The following KBTBD12 variants were observed in gnomAD, a reference collection of about 807,000 sequenced individuals.
KBTBD12 encodes the protein kelch repeat and BTB domain-containing protein 12.
Under a neutral mutation model 58.7 loss-of-function variants are expected in KBTBD12, and 53 were observed. The ratio of observed to expected loss-of-function variants is 0.90; its 90% CI spans 0.72 to 1.14. The LOEUF is 1.14. Among genes scored for constraint, KBTBD12 ranks in the 50% most tolerant of loss-of-function variants. KBTBD12 has a pLI of 0.00. For synonymous variants in KBTBD12, 236 were observed against 259.8 expected (o/e 0.91, Z 0.88); for missense variants, 704 against 751.3 (o/e 0.94, Z 0.74).
At position 127,927,799 on chromosome 3, in the gene KBTBD12, T is replaced by TA; in HGVS notation, c.1107dup (p.Cys370MetfsTer4). 6.3e-7 allele frequency: 1 copy of TA among 1,580,752 alleles called. No individual in the cohort carries two copies. The highest frequency in any genetic ancestry group is 1.2e-5 in the South Asian group (1 of 85,188). Reference sequence around the variant, plus strand: ...AGAGGAAACCAGTTTTGGGAAAAGTTATGCACAGCTGAATTTCGAGAACTC... The same window carrying TA: ...AGAGGAAACCAGTTTTGGGAAAAGTTAATGCACAGCTGAATTTCGAGAACTC... On this transcript the variant is annotated frameshift_variant, in exon 3 of 6. Transcript: ENST00000405109. LOFTEE classifies it high-confidence loss of function.
At chr3:127,965,668 G>T (rs963240656) in intron 5 of KBTBD12, among the ~76,000 whole-genome samples, 4 of 152,178 alleles carry the variant, frequency 2.6e-5, no homozygotes, top group African/African-American at 9.6e-5. Context: ...TCAACATTTG[G>T]TGGGAAAGAC....
chr3:127,980,512 TAGAGACG>T (rs1940855479), intron 5 of KBTBD12, among the ~76,000 whole-genome samples: 1 of 152,112 alleles, frequency 6.6e-6, no homozygotes, highest in Non-Finnish European at 1.5e-5. Flanking sequence ...GTATTTTCAG[TAGAGACG>T]GGATTTCACC....
intron 4 of KBTBD12, among the ~76,000 whole-genome samples, chr3:127,940,468 T>G (rs1295487056): frequency 2.0e-5 from 3 of 152,198 alleles, no homozygotes. Flanking sequence ...CATTTCTAAA[T>G]AATCCATGGG....
chr3:127,954,934 G>A (rs1559769597), intron 4 of KBTBD12, among the ~76,000 whole-genome samples: 2 of 152,182 alleles, frequency 1.3e-5, no homozygotes, highest in South Asian at 2.1e-4. Context: ...TGGTCAGAAC[G>A]AAGAGCATGC....
Position 127,963,198 on chromosome 3 carries a change from G to C in KBTBD12, c.1502G>C (p.Gly501Ala). 6.2e-7 allele frequency: 1 copy of C among 1,603,316 alleles called. No homozygotes were observed. The highest frequency in any genetic ancestry group is 8.5e-7 in the Non-Finnish European group (1 of 1,174,510). The change falls in exon 5 of 6, where the codon GGC becomes GCC. Residue 501 changes from glycine to alanine, a missense_variant. Physicochemically the swap from Gly to Ala is moderately conservative, Grantham distance 60. Coordinates refer to ENST00000405109, the MANE Select transcript of KBTBD12 (RefSeq NM_207335.4). ...ACATAATTCTCTGCAGGTGGCATTG[G>C]CTGTGTAGGTCAAGACAAGGGCCAG... is the stretch of plus-strand genomic sequence containing the variant. ...NSEIYVLGGIGCVGQDKGQVR... is the reference protein window; with the variant it reads ...NSEIYVLGGIACVGQDKGQVR...
At chr3:127,977,736 C>T (rs563044925) in intron 5 of KBTBD12, among the ~76,000 whole-genome samples, 8 of 152,202 alleles carry the variant, frequency 5.3e-5, no homozygotes, top group Admixed American at 1.3e-4. Flanking sequence ...AGACCTTTGT[C>T]GATGCATATT....
Position 127,930,393 on chromosome 3 carries a change from T to C in KBTBD12, c.1492+110T>C, listed in dbSNP as rs562558760. The C allele has an allele frequency of 2.9e-5, 26 of 881,378 alleles. No individual in the cohort carries two copies. In the East Asian group the frequency reaches 6.2e-4, roughly 21 times the overall value. The allele number at this position is 881,378 out of a possible 1,614,324, so 54.6% of individuals were successfully genotyped here. On this transcript the variant is annotated intron_variant, in intron 4 of 5. Coordinates refer to ENST00000405109, the MANE Select transcript of KBTBD12 (RefSeq NM_207335.4). ...GCACTTGTATTCCAGTTCAAATTTATATACAACTAGCTGAACTTTGTCTTT... is the reference window on the plus strand; with the variant it reads ...GCACTTGTATTCCAGTTCAAATTTACATACAACTAGCTGAACTTTGTCTTT...
chr3:127,975,824 T>C (rs1036920588), intron 5 of KBTBD12, among the ~76,000 whole-genome samples: 1 of 152,242 alleles, frequency 6.6e-6, no homozygotes, highest in Non-Finnish European at 1.5e-5. Context: ...TTAGGCAGCA[T>C]TGGACTTTAA....
Position 127,963,280 on chromosome 3 carries a change from A to G in KBTBD12, c.1584A>G (p.Arg528=). ...ACAACCCAGATGGGGACTTTTGGCG[A>G]GAGGGCCCTCCCATGCCAAGTCCCC... ...EIYNPDGDFW[R]EGPPMPSPLL... The change falls in exon 5 of 6, where the codon CGA becomes CGG. Residue 528 remains arginine (R), a synonymous_variant. Coordinates refer to ENST00000405109, the MANE Select transcript of KBTBD12 (RefSeq NM_207335.4). 6.2e-7 allele frequency: 1 copy of G among 1,612,242 alleles called. No individual in the cohort carries two copies. Among genetic ancestry groups the G allele is most frequent in the Non-Finnish European group, 8.5e-7 (1 of 1,179,234 alleles).
rs371458470 is a variant in KBTBD12, at chr3:127,981,408, A to G, written c.1691-2689A>G. ...TAAATCACCTAATGCTATCCAATAAATAGTCATTATTATTAACATAACAGA... is the reference window on the plus strand; with the variant it reads ...TAAATCACCTAATGCTATCCAATAAGTAGTCATTATTATTAACATAACAGA... On this transcript the variant is annotated intron_variant, in intron 5 of 5. Transcript: ENST00000405109. Among the ~76,000 whole-genome samples, 48 of 152,304 alleles carry G rather than the reference A, an allele frequency of 3.2e-4. No individual in the cohort carries two copies. In the South Asian group the frequency reaches 8.9e-3, roughly 28 times the overall value.
chr3:127,929,697 G>T (rs1042295188), intron 3 of KBTBD12, among the ~76,000 whole-genome samples: 1 of 151,966 alleles, frequency 6.6e-6, no homozygotes, highest in African/African-American at 2.4e-5. Context: ...GTTTCATGTG[G>T]ATTAGAAAAA....
chr3:127,935,586 C>T (rs183138027), intron 4 of KBTBD12, among the ~76,000 whole-genome samples: 1 of 151,720 alleles, frequency 6.6e-6, no homozygotes, highest in East Asian at 1.9e-4. Flanking sequence ...TATAGTGAGC[C>T]GCCTGCTCAA....
Position 127,930,265 on chromosome 3 carries a change from A to G in KBTBD12, c.1474A>G (p.Ser492Gly). The change falls in exon 4 of 6, where the codon AGT (serine) becomes GGT (glycine). Residue 492 changes from serine (S) to glycine (G), a missense_variant. Ser to Gly is a moderately conservative substitution (Grantham distance 56, BLOSUM62 0). Transcript: ENST00000405109. ...KYRFSTAVVN[S>G]EIYVLGGIGC... ...CCGATTCAGTACAGCTGTAGTCAAC[A>G]GTGAGATTTATGTTTTGGGTAAGAA... 1 of 1,611,656 alleles carries G rather than the reference A, an allele frequency of 6.2e-7. No individual in the cohort carries two copies. The highest frequency in any genetic ancestry group is 8.5e-7 in the Non-Finnish European group (1 of 1,178,750).
chr3:127,971,555 G>A (rs950821332), intron 5 of KBTBD12, among the ~76,000 whole-genome samples: 2 of 152,120 alleles, frequency 1.3e-5, no homozygotes, highest in African/African-American at 2.4e-5. Context: ...CTGGTGCAGG[G>A]TCCCCCCATT....
chr3:127,952,570 A>G (rs1021034178), intron 4 of KBTBD12, among the ~76,000 whole-genome samples: 1 of 152,254 alleles, frequency 6.6e-6, no homozygotes, highest in Non-Finnish European at 1.5e-5. Context: ...AGGCAATTGT[A>G]CATATGTTTA....
chr3:127,963,461 AC>A, intron 5 of KBTBD12, 75 bp downstream of exon 5: 5 of 1,327,218 alleles, frequency 3.8e-6, no homozygotes, highest in Non-Finnish European at 3.1e-6. Flanking sequence ...TCCAATCACC[AC>A]TAATATTCCT....
In KBTBD12 at chr3:127,923,851, T is replaced by A. The variant is rs771282071; in HGVS notation, c.790T>A (p.Ser264Thr). The A allele has an allele frequency of 6.2e-7, 1 of 1,613,914 alleles. No individual in the cohort carries two copies. The highest frequency in any genetic ancestry group is 1.1e-5 in the South Asian group (1 of 91,076). ...AGCCATCAAGACACCCCAACAGCAC[T>A]CTCTAAATCTGCGCTATGGTATGGA... ...FKAIKTPQQHSLNLRYGMETT... is the reference protein window; with the variant it reads ...FKAIKTPQQHTLNLRYGMETT... Residue 264 changes from serine to threonine, a missense_variant, in exon 2 of 6, where the codon TCT becomes ACT. Physicochemically the swap from Ser to Thr is moderately conservative, Grantham distance 58. Coordinates refer to ENST00000405109, the MANE Select transcript of KBTBD12 (RefSeq NM_207335.4).
At chr3:127,942,996 C>T (rs910484023) in intron 4 of KBTBD12, among the ~76,000 whole-genome samples, 1 of 152,028 alleles carries the variant, frequency 6.6e-6, no homozygotes, top group African/African-American at 2.4e-5. Context: ...ATCCAGTCTG[C>T]CCAGAGAGAG....
At chr3:127,954,578 C>T (rs190769599) in intron 4 of KBTBD12, among the ~76,000 whole-genome samples, 40 of 152,342 alleles carry the variant, frequency 2.6e-4, no homozygotes, top group Admixed American at 2.4e-3. Flanking sequence ...CATGAATATG[C>T]TTTGGATTTC....
Sources: gnomAD v4.1 joint callset for allele counts (sites outside exome capture counted in the v4.1 genomes callset) on GRCh38, gnomAD v4.1.1 for gene constraint, MANE v1.5 for transcripts, NCBI Gene and HGNC (gene_info 2026-07-23, HGNC 2026-07-21) for gene names.